Variants in IGF2BP3 observed in about 807,000 individuals in gnomAD.
The protein encoded by IGF2BP3 is insulin like growth factor 2 mRNA binding protein 3, also known as insulin-like growth factor 2 mRNA-binding protein 3.
A neutral mutation model predicts 73.8 loss-of-function variants in IGF2BP3; 9 were observed. That is an observed-to-expected ratio of 0.12 (90% CI 0.07 to 0.21). The LOEUF is 0.21. Among genes scored for constraint, IGF2BP3 ranks in the 10% least tolerant of loss-of-function variants. IGF2BP3 has a pLI of 1.00. For synonymous variants in IGF2BP3, 258 were observed against 256.7 expected, an observed-to-expected ratio of 1.01 and a Z score of -0.05; for missense variants, 542 against 714.0, an observed-to-expected ratio of 0.76 and a Z score of 2.75.
intron 10 of IGF2BP3, among the ~76,000 whole-genome samples, chr7:23,322,662 A>T (rs1183217695): frequency 6.6e-6 from 1 of 152,196 alleles, no homozygotes; most frequent in African/African-American, 2.4e-5. Flanking sequence ...TGTTAAGGGC[A>T]GCCAGAGAGA....
chr7:23,321,945 A>T (rs1784166874), intron 10 of IGF2BP3, among the ~76,000 whole-genome samples: 1 of 152,218 alleles, frequency 6.6e-6, no homozygotes. Context: ...TCAAAGACCA[A>T]AAGTAGATAA....
At chr7:23,379,110 CATA>C (rs1396005976) in intron 3 of IGF2BP3, among the ~76,000 whole-genome samples, 1 of 152,158 alleles carries the variant, frequency 6.6e-6, no homozygotes, top group Non-Finnish European at 1.5e-5. Flanking sequence ...ACATGTGTTT[CATA>C]ATAAGTTCAG....
chr7:23,321,547 C>T (rs949113888), intron 10 of IGF2BP3, among the ~76,000 whole-genome samples: 54 of 152,292 alleles, frequency 3.5e-4, no homozygotes, highest in Non-Finnish European at 6.2e-4. Context: ...GCAGCCAGGA[C>T]GCTCGAACTG....
intron 2 of IGF2BP3, among the ~76,000 whole-genome samples, chr7:23,444,885 T>A (rs910629415): frequency 6.6e-6 from 1 of 151,858 alleles, no homozygotes; most frequent in African/African-American, 2.4e-5. Context: ...TTGAGCAACA[T>A]AGAGTTCCCA....
intron 2 of IGF2BP3, among the ~76,000 whole-genome samples, chr7:23,447,037 T>C (rs1788082634): frequency 6.6e-6 from 1 of 152,014 alleles, no homozygotes. Flanking sequence ...ACCTCATCTC[T>C]ACTAAAAATA....
intron 1 of IGF2BP3, among the ~76,000 whole-genome samples, chr7:23,468,991 G>A (rs1028949332): frequency 1.3e-5 from 2 of 152,246 alleles, no homozygotes; most frequent in Non-Finnish European, 2.9e-5. Flanking sequence ...GTGGGCTTGA[G>A]GAAGACAGGG....
chr7:23,323,922 T>C (rs546767378), intron 10 of IGF2BP3, among the ~76,000 whole-genome samples: 2,772 of 150,686 alleles, frequency 0.018, 84 homozygotes, highest in African/African-American at 0.065. Context: ...TTCAAAGCAG[T>C]GTGTAGAGGG....
rs1427041179 is a variant in IGF2BP3, at chr7:23,312,291, G to A, written c.*71C>T. ...ATGTGATTCTGGATAGGGGGTCAGC[G>A]CCCATCTGTTGGTTAAGCAATCTGT... On this transcript the variant is annotated 3_prime_UTR_variant, in exon 15 of 15. Coordinates refer to ENST00000258729, the MANE Select transcript of IGF2BP3 (RefSeq NM_006547.3). 4.5e-6 allele frequency: 5 copies of A among 1,105,666 alleles called. No homozygotes were observed. The highest frequency in any genetic ancestry group is 1.7e-5 in the Admixed American group (1 of 57,318). The allele number at this position is 1,105,666 out of a possible 1,614,324, so 68.5% of individuals were successfully genotyped here. A position where few individuals can be genotyped will look rare whatever the true frequency, so the allele number is the denominator to read the frequency against.
chr7:23,418,734 C>G (rs1156470984), intron 3 of IGF2BP3, 42 bp downstream of exon 3: 5 of 1,289,398 alleles, frequency 3.9e-6, no homozygotes, highest in East Asian at 4.8e-5. Flanking sequence ...CAGCAATAGG[C>G]TTCCATACTT....
intron 3 of IGF2BP3, among the ~76,000 whole-genome samples, chr7:23,368,539 A>T (rs1785453710): frequency 6.6e-6 from 1 of 152,176 alleles, no homozygotes; most frequent in African/African-American, 2.4e-5. Flanking sequence ...GGAGGGTGAC[A>T]GTTAAATGTT....
chr7:23,327,749 C>A (rs1417142556), intron 10 of IGF2BP3, among the ~76,000 whole-genome samples: 1 of 152,212 alleles, frequency 6.6e-6, no homozygotes, highest in South Asian at 2.1e-4. Flanking sequence ...CCAATTTGTG[C>A]CATTTAATGT....
chr7:23,440,843 C>T (rs1454209256), intron 2 of IGF2BP3, among the ~76,000 whole-genome samples: 1 of 152,150 alleles, frequency 6.6e-6, no homozygotes, highest in East Asian at 1.9e-4. Context: ...AAATTTAAGC[C>T]TACTCTACTG....
At chr7:23,340,546 T>G (rs1784681801) in intron 10 of IGF2BP3, among the ~76,000 whole-genome samples, 1 of 152,142 alleles carries the variant, frequency 6.6e-6, no homozygotes, top group African/African-American at 2.4e-5. Context: ...CTATTCCACC[T>G]GGACATTTCC....
chr7:23,325,059 A>C (rs1184716228), intron 10 of IGF2BP3, among the ~76,000 whole-genome samples: 1 of 151,936 alleles, frequency 6.6e-6, no homozygotes, highest in African/African-American at 2.4e-5. Flanking sequence ...ATAGTGTTGG[A>C]AGTTCTGGCC....
At chr7:23,422,757 G>A (rs1306956044) in intron 2 of IGF2BP3, among the ~76,000 whole-genome samples, 1 of 152,142 alleles carries the variant, frequency 6.6e-6, no homozygotes. Context: ...ATACTCTTAA[G>A]TTTCATTTTA....
At chr7:23,457,969 C>A (rs1485022278) in intron 2 of IGF2BP3, among the ~76,000 whole-genome samples, 2 of 152,250 alleles carry the variant, frequency 1.3e-5, no homozygotes, top group South Asian at 2.1e-4. Flanking sequence ...TTACTTGAGT[C>A]CACATCCCAA....
At chr7:23,329,399 T>A (rs1390108310) in intron 10 of IGF2BP3, among the ~76,000 whole-genome samples, 1 of 152,206 alleles carries the variant, frequency 6.6e-6, no homozygotes, top group Non-Finnish European at 1.5e-5. Flanking sequence ...GTTTCCAACT[T>A]CAATGTTTCA....
At chr7:23,415,416 T>C in intron 3 of IGF2BP3, 1 of 170,768 alleles carries the variant, frequency 5.9e-6, no homozygotes, top group Non-Finnish European at 1.2e-5. Flanking sequence ...CATCCGCAGG[T>C]CCCCCTCCGT....
chr7:23,356,878 T>C (rs914390326), intron 5 of IGF2BP3, among the ~76,000 whole-genome samples: 2 of 152,144 alleles, frequency 1.3e-5, no homozygotes, highest in East Asian at 3.9e-4. Context: ...GCAAATACCC[T>C]AGATGACACA....
Sources: gnomAD v4.1 joint callset for allele counts (sites outside exome capture counted in the v4.1 genomes callset) on GRCh38, gnomAD v4.1.1 for gene constraint, MANE v1.5 for transcripts, NCBI Gene and HGNC (gene_info 2026-07-23, HGNC 2026-07-21) for gene names.